Variants in CYP51A1 observed in about 807,000 individuals in gnomAD.
CYP51A1 encodes the protein lanosterol 14-alpha demethylase.
CYP51A1 carries 45 observed loss-of-function variants against 53.5 expected under a neutral mutation model. That is an observed-to-expected ratio of 0.84 (90% CI 0.66 to 1.08). CYP51A1 has a LOEUF of 1.08. Ranked by LOEUF, CYP51A1 falls within the 50% of genes least tolerant of loss-of-function variation. The pLI is 0.00. For synonymous variants in CYP51A1, 181 were observed against 217.7 expected (o/e 0.83, Z 1.48); for missense variants, 462 against 621.7 (o/e 0.74, Z 2.73).
intron 9 of CYP51A1, among the ~76,000 whole-genome samples, 168 bp from the exon 10 acceptor site, chr7:92,114,011 G>T (rs1172330829): frequency 6.6e-6 from 1 of 152,076 alleles, no homozygotes; most frequent in African/African-American, 2.4e-5. Flanking sequence ...AATTCCAGGA[G>T]ATTTTCAATA....
In CYP51A1 at chr7:92,134,202, C is replaced by G; in HGVS notation, c.163G>C (p.Gly55Arg). The G allele has an allele frequency of 6.2e-7, 1 of 1,612,496 alleles. No homozygotes were observed. The highest frequency in any genetic ancestry group is 8.5e-7 in the Non-Finnish European group (1 of 1,179,734). The change falls in exon 1 of 10, where the codon GGC (glycine) becomes CGC (arginine). Residue 55 changes from glycine to arginine, a missense_variant. Transcript: ENST00000003100. ...CCTGCGGGCAGCTGGACCAGGTGGCCGGCGGCCAGACGGATCAGGTAGACC... is the reference window on the plus strand; with the variant it reads ...CCTGCGGGCAGCTGGACCAGGTGGCGGGCGGCCAGACGGATCAGGTAGACC... ...SLVYLIRLAA[G>R]HLVQLPAGVK...
chr7:92,123,147 C>G lies in CYP51A1; in HGVS notation c.1059G>C (p.Glu353Asp). The G allele has an allele frequency of 6.2e-7, 1 of 1,613,516 alleles. No homozygotes were observed. Among genetic ancestry groups the G allele is most frequent in the Non-Finnish European group, 8.5e-7 (1 of 1,179,590 alleles). The change falls in exon 7 of 10, where the codon GAG becomes GAC. Residue 353 changes from glutamate (E) to aspartate (D), a missense_variant. Glu to Asp is a conservative substitution (Grantham distance 45, BLOSUM62 2). Transcript: ENST00000003100. ...CYLEQKTVCG[E>D]NLPPLTYDQL... is the part of the protein sequence containing the mutation. ...GGTCATAAGTTAAAGGAGGCAGATT[C>G]TCTCCACAGACTGTTTTCTGTTCTA...
upstream of CYP51A1, chr7:92,134,525 A>T: frequency 1.5e-6 from 1 of 688,150 alleles, no homozygotes; most frequent in South Asian, 2.0e-5. Flanking sequence ...CCCGTGCGTC[A>T]CAGAATGGGG....
At chr7:92,134,540 A>C (rs1820004802), upstream of CYP51A1, 4 of 638,310 alleles carry the variant, frequency 6.3e-6, no homozygotes, top group Non-Finnish European at 1.1e-5. Flanking sequence ...ATGGGGCGGG[A>C]TGTTCCGCTG....
chr7:92,126,473 G>A, intron 4 of CYP51A1, 46 bp from the exon 5 acceptor site: 4 of 1,480,064 alleles, frequency 2.7e-6, no homozygotes, highest in South Asian at 2.7e-5. Flanking sequence ...TCCAAAAAGT[G>A]AAAGAAAATT....
chr7:92,129,098 T>C (rs772081969), intron 2 of CYP51A1, 42 bp from the exon 3 acceptor site: 2 of 1,347,966 alleles, frequency 1.5e-6, no homozygotes, highest in Non-Finnish European at 2.0e-6. Context: ...ACAAAAAATA[T>C]GCAACACTAC....
At chr7:92,126,130 T>C (rs973557976) in intron 5 of CYP51A1, 123 bp downstream of exon 5, 8 of 628,470 alleles carry the variant, frequency 1.3e-5, no homozygotes, top group African/African-American at 9.4e-5. Flanking sequence ...AGGGGATTCA[T>C]AATCTTACCC....
chr7:92,115,827 T>TAGCTGGCATG (rs1819570066), intron 9 of CYP51A1, among the ~76,000 whole-genome samples: 1 of 152,202 alleles, frequency 6.6e-6, no homozygotes, highest in Non-Finnish European at 1.5e-5. Context: ...TGTCCAAACA[T>TAGCTGGCATG]AGAATGAGCC....
chr7:92,118,592 A>C lies in CYP51A1; in HGVS notation c.1110T>G (p.Asp370Glu), dbSNP rs1441769612. 5.7e-6 allele frequency: 9 copies of C among 1,579,130 alleles called. No individual in the cohort carries two copies. The highest frequency in any genetic ancestry group is 7.8e-6 in the Non-Finnish European group (9 of 1,148,352). The change falls in exon 8 of 10, where the codon GAT becomes GAG. Residue 370 changes from aspartate (D) to glutamate (E), a missense_variant. Asp to Glu is a conservative substitution (Grantham distance 45, BLOSUM62 2). Coordinates refer to ENST00000003100, the MANE Select transcript of CYP51A1 (RefSeq NM_000786.4). ...GTCTTAATGTTTCTTTTATACAGCG[A>C]TCAAGTAAATTTAGATCCTTGAGCT... is the stretch of plus-strand genomic sequence containing the variant. ...YDQLKDLNLLDRCIKETLRLR... is the reference protein window; with the variant it reads ...YDQLKDLNLLERCIKETLRLR...
chr7:92,119,870 G>T (rs1819653507), intron 7 of CYP51A1, among the ~76,000 whole-genome samples: 1 of 151,848 alleles, frequency 6.6e-6, no homozygotes, highest in Non-Finnish European at 1.5e-5. Context: ...AGCAAAATAT[G>T]CCTAGATATC....
intron 3 of CYP51A1, 90 bp downstream of exon 3, chr7:92,128,790 T>C: frequency 8.4e-7 from 1 of 1,194,896 alleles, no homozygotes; most frequent in Non-Finnish European, 1.2e-6. Flanking sequence ...TGCCTGGCTG[T>C]TTCTACATTT....
At chr7:92,115,419 G>T (rs1819563081) in intron 9 of CYP51A1, among the ~76,000 whole-genome samples, 1 of 152,168 alleles carries the variant, frequency 6.6e-6, no homozygotes, top group Admixed American at 6.5e-5. Flanking sequence ...ACATGAACAA[G>T]AAGAAAGCCT....
Position 92,134,410 on chromosome 7 carries a change from C to G in CYP51A1, c.-46G>C. ...AAGGCCGAGGTCGCCACCGCTCCTC[C>G]CAATCGACGGAACGAGAGAAGCTGG... On this transcript the variant is annotated 5_prime_UTR_variant, in exon 1 of 10. Transcript: ENST00000003100. The G allele has an allele frequency of 1.3e-6, 2 of 1,499,156 alleles. No individual in the cohort carries two copies. Among genetic ancestry groups the G allele is most frequent in the South Asian group, 2.6e-5 (2 of 77,490 alleles). 92.9% of individuals were successfully genotyped at this position (1,499,156 alleles called of 1,614,324 possible).
intron 7 of CYP51A1, among the ~76,000 whole-genome samples, chr7:92,120,628 T>C (rs1201765668): frequency 2.0e-5 from 3 of 151,968 alleles, no homozygotes; most frequent in African/African-American, 4.8e-5. Context: ...GTGGAAAAAA[T>C]AGTCTTTTCA....
intron 2 of CYP51A1, among the ~76,000 whole-genome samples, 178 bp downstream of exon 2, chr7:92,131,596 G>A (rs959772585): frequency 6.6e-5 from 10 of 152,154 alleles, no homozygotes; most frequent in Admixed American, 6.5e-5. Flanking sequence ...AAGCTAAAAG[G>A]ATAGGTATCT....
chr7:92,123,466 G>A, intron 6 of CYP51A1, 151 bp from the exon 7 acceptor site: 1 of 796,938 alleles, frequency 1.3e-6, no homozygotes, highest in Non-Finnish European at 2.0e-6. Context: ...TTTTCTCTTA[G>A]GGAAGAGACA....
chr7:92,119,400 C>T (rs1290892226), intron 7 of CYP51A1, among the ~76,000 whole-genome samples: 11 of 152,192 alleles, frequency 7.2e-5, no homozygotes, highest in Admixed American at 7.2e-4. Context: ...TTGTAACTGC[C>T]TGTTGGAGTG....
At chr7:92,131,012 A>G (rs779375366) in intron 2 of CYP51A1, among the ~76,000 whole-genome samples, 1 of 152,224 alleles carries the variant, frequency 6.6e-6, no homozygotes, top group Non-Finnish European at 1.5e-5. Flanking sequence ...GCTGAACACA[A>G]TGAAAAGATG....
chr7:92,119,859 T>C (rs1266601454), intron 7 of CYP51A1, among the ~76,000 whole-genome samples: 1 of 152,124 alleles, frequency 6.6e-6, no homozygotes, highest in Non-Finnish European at 1.5e-5. Flanking sequence ...CAAAGAACTA[T>C]AGCAAAATAT....
Sources: gnomAD v4.1 joint callset for allele counts (sites outside exome capture counted in the v4.1 genomes callset) on GRCh38, gnomAD v4.1.1 for gene constraint, MANE v1.5 for transcripts, NCBI Gene and HGNC (gene_info 2026-07-23, HGNC 2026-07-21) for gene names.